KDM2B: variants seen among roughly 807,000 people sequenced by gnomAD.
The protein encoded by KDM2B is lysine-specific demethylase 2B.
KDM2B carries 26 observed loss-of-function variants against 150.0 expected under a neutral mutation model. That is an observed-to-expected ratio of 0.17 (90% CI 0.13 to 0.24). The LOEUF is 0.24. KDM2B is among the 10% of genes least tolerant of loss of function. The pLI, the probability that KDM2B is intolerant of heterozygous loss-of-function variation, is 1.00. For missense variants in KDM2B, 1,265 were observed against 1,816.9 expected (o/e 0.70, Z 5.52); for synonymous variants, 734 against 729.5 (o/e 1.01, Z -0.10).
Position 121,440,087 on chromosome 12 carries a change from GGAA to G in KDM2B, c.3611-15_3611-13del. The G allele has an allele frequency of 6.3e-7, 1 of 1,581,242 alleles. No individual in the cohort carries two copies. The highest frequency in any genetic ancestry group is 2.1e-4 in the Middle Eastern group (1 of 4,732). ...ATTGTCCATCTGACCTGGTGGGGCAGGAAGGAGGGGGCAACCCGTCAATCTGAC... is the reference window on the plus strand; with the variant it reads ...ATTGTCCATCTGACCTGGTGGGGCAGGGAGGGGGCAACCCGTCAATCTGAC... On this transcript the variant is annotated splice_polypyrimidine_tract_variant and intron_variant, in intron 21 of 22. Transcript: ENST00000377071.
chr12:121,581,049 T>C (rs1450070702), upstream of KDM2B: 2 of 1,189,860 alleles, frequency 1.7e-6, no homozygotes, highest in Admixed American at 2.7e-5. Context: ...ACCAGAGCCT[T>C]TGCAGTCCGC....
At chr12:121,436,728 G>A (rs1555286864) in intron 22 of KDM2B, among the ~76,000 whole-genome samples, 2 of 152,150 alleles carry the variant, frequency 1.3e-5, no homozygotes, top group African/African-American at 4.8e-5. Context: ...TTCTGTGAGT[G>A]TTCAGCATGG....
chr12:121,580,872 G>A lies in KDM2B; in HGVS notation c.40C>T (p.Pro14Ser). The A allele has an allele frequency of 6.2e-7, 1 of 1,613,996 alleles. No homozygotes were observed. The highest frequency in any genetic ancestry group is 1.1e-5 in the South Asian group (1 of 91,046). The change falls in exon 1 of 23, where the codon CCC becomes TCC. Residue 14 changes from proline to serine, a missense_variant. Physicochemically the swap from Pro to Ser is moderately conservative, Grantham distance 74. Coordinates refer to ENST00000377071, the MANE Select transcript of KDM2B (RefSeq NM_032590.5). ...PQMGGSAEDH[P>S]PRKRHAAEKQ... is the part of the protein sequence containing the mutation. ...TCTGCTGCATGTCTTTTTCGTGGGG[G>A]GTGATCCTCTGCAGATCCCCCCATT...
At chr12:121,411,236 A>G in the KDM2B span, among the ~76,000 whole-genome samples, 1 of 151,970 alleles carries the variant, frequency 6.6e-6, no homozygotes, top group Non-Finnish European at 1.5e-5. Context: ...CCTGTTTTTA[A>G]TTTTTTATTT....
the KDM2B span, chr12:121,420,430 T>C: frequency 4.5e-6 from 7 of 1,551,416 alleles, no homozygotes; most frequent in African/African-American, 9.6e-5. Flanking sequence ...ACAGGATGTT[T>C]CTTCTGGTTT....
chr12:121,537,858 C>T lies in KDM2B; in HGVS notation c.684-3268G>A, dbSNP rs1888275304. On this transcript the variant is annotated intron_variant, in intron 6 of 22. Transcript: ENST00000377071. The surrounding 1 kb of genome is among the most constrained non-coding windows in gnomAD (Gnocchi z 8.7). ...GCGGGCGGGAGGCCACCCACACCCGCCCCGCGCAGCGCCACAAAGGAGGGG... is the reference window on the plus strand; with the variant it reads ...GCGGGCGGGAGGCCACCCACACCCGTCCCGCGCAGCGCCACAAAGGAGGGG... Among the ~76,000 whole-genome samples, 2 of 151,808 alleles carry T rather than the reference C, an allele frequency of 1.3e-5. No individual in the cohort carries two copies. Among genetic ancestry groups the T allele is most frequent in the South Asian group, 4.1e-4 (2 of 4,830 alleles).
intron 22 of KDM2B, among the ~76,000 whole-genome samples, chr12:121,437,295 T>C (rs1488109753): frequency 6.6e-6 from 1 of 151,972 alleles, no homozygotes; most frequent in Middle Eastern, 3.2e-3. Context: ...AATAAAAACA[T>C]TGAGCAAGAA....
chr12:121,509,578 C>T lies in KDM2B; in HGVS notation c.1636G>A (p.Glu546Lys). ...CCACTCCTGCCCACCTTCACACCCT[C>T]CAGGAGTGCCTGGGGGTCCTCGATG... Reference protein sequence around the residue: ...EGIEDPQALLEGVKNVLKEHA... With the variant: ...EGIEDPQALLKGVKNVLKEHA... Residue 546 changes from glutamate to lysine, a missense_variant, in exon 11 of 23, where the codon GAG (glutamate) becomes AAG (lysine). Physicochemically the swap from Glu to Lys is moderately conservative, Grantham distance 56 (BLOSUM62 1). Transcript: ENST00000377071. 1.9e-6 allele frequency: 3 copies of T among 1,613,530 alleles called. No homozygotes were observed. The highest frequency in any genetic ancestry group is 2.5e-6 in the Non-Finnish European group (3 of 1,179,980).
intron 10 of KDM2B, among the ~76,000 whole-genome samples, chr12:121,510,983 G>C (rs1387240443): frequency 6.6e-6 from 1 of 151,268 alleles, no homozygotes; most frequent in Non-Finnish European, 1.5e-5. Context: ...ACAGCTGAAG[G>C]GTATGAGTTT....
chr12:121,470,063 C>G (rs924068552), intron 12 of KDM2B: 3 of 151,182 alleles, frequency 2.0e-5, no homozygotes, highest in African/African-American at 7.3e-5. Flanking sequence ...TGCCACTGCC[C>G]TCCAGCCTGG....
chr12:121,437,711 G>A (rs1874239471), intron 22 of KDM2B, among the ~76,000 whole-genome samples: 2 of 152,164 alleles, frequency 1.3e-5, no homozygotes, highest in Non-Finnish European at 2.9e-5. Flanking sequence ...CAGAACAATA[G>A]CTAGAATTGC....
chr12:121,452,974 C>T lies in KDM2B; in HGVS notation c.1959+146G>A, dbSNP rs1370896046. On this transcript the variant is annotated intron_variant, in intron 13 of 22. Transcript: ENST00000377071. This position sits in a 1 kb window ranked among gnomAD's most constrained non-coding sequence, Gnocchi z 4.4. ...GAGCCTGCGAAGCGGCCAGCGCCTT[C>T]CCGTCCACAGGAAGAGCTCTCGGGG... is the stretch of plus-strand genomic sequence containing the variant. The T allele has an allele frequency of 9.3e-6, 7 of 749,984 alleles. No homozygotes were observed. Among genetic ancestry groups the T allele is most frequent in the Non-Finnish European group, 1.2e-5 (6 of 481,466 alleles). 46.5% of individuals were successfully genotyped at this position (749,984 alleles called of 1,614,324 possible). A position where few individuals can be genotyped will look rare whatever the true frequency, so the allele number is the denominator to read the frequency against.
chr12:121,538,203 G>A (rs61952164), intron 6 of KDM2B, among the ~76,000 whole-genome samples: 22,463 of 151,954 alleles, frequency 0.15, 2,280 homozygotes, highest in Non-Finnish European at 0.22. Flanking sequence ...AAGCAACGCG[G>A]GCCGGCGCCA....
At chr12:121,546,038 C>T (rs1364704775) in intron 6 of KDM2B, among the ~76,000 whole-genome samples, 1 of 152,166 alleles carries the variant, frequency 6.6e-6, no homozygotes, top group Non-Finnish European at 1.5e-5. Flanking sequence ...TCCCCTAGTA[C>T]CAGCTCTGGG....
chr12:121,455,577 C>T (rs879948883), intron 12 of KDM2B, among the ~76,000 whole-genome samples: 1 of 151,988 alleles, frequency 6.6e-6, no homozygotes, highest in African/African-American at 2.4e-5. Flanking sequence ...TAGTGGTGTG[C>T]ACCTGCAGAC....
intron 4 of KDM2B, among the ~76,000 whole-genome samples, chr12:121,550,769 C>T (rs150688878): frequency 0.014 from 2,142 of 152,282 alleles, 48 homozygotes; most frequent in African/African-American, 0.049. Flanking sequence ...ACTGGGATTA[C>T]AGGCATGAGC....
At chr12:121,504,989 C>T (rs957315716) in intron 11 of KDM2B, among the ~76,000 whole-genome samples, 4 of 151,558 alleles carry the variant, frequency 2.6e-5, no homozygotes, top group African/African-American at 4.9e-5. Context: ...TTGTGGCAGG[C>T]GCCTGTAGTC....
rs929075146 is a variant in KDM2B at position 121,457,739 on chromosome 12, T to C, written c.1735-4395A>G. 5.9e-4 allele frequency among the ~76,000 whole-genome samples: 85 copies of C among 145,098 alleles called. 1 individual carries two copies. The East Asian group carries it at 0.011, about 18-fold the overall frequency. On this transcript the variant is annotated intron_variant, in intron 12 of 22. Transcript: ENST00000377071. ...TGAAAGGTTAGGAAGATCGGAAACA[T>C]ACACACACACACACACACACACACA...
intron 11 of KDM2B, among the ~76,000 whole-genome samples, chr12:121,506,714 A>G (rs2140778886): frequency 6.6e-6 from 1 of 152,098 alleles, no homozygotes; most frequent in South Asian, 2.1e-4. Flanking sequence ...GAGGCGGGCG[A>G]ATCACCTGAG....
Sources: gnomAD v4.1 joint callset for allele counts (sites outside exome capture counted in the v4.1 genomes callset) on GRCh38, gnomAD v4.1.1 for gene constraint, Gnocchi (gnomAD v3.1) non-coding constraint, MANE v1.5 for transcripts, NCBI Gene and HGNC (gene_info 2026-07-23, HGNC 2026-07-21) for gene names.